Variants in RALGAPA2 observed in about 807,000 individuals in gnomAD.
RALGAPA2 encodes ral GTPase-activating protein subunit alpha-2.
RALGAPA2 carries 139 observed loss-of-function variants against 230.4 expected under a neutral mutation model. That is an observed-to-expected ratio of 0.60 (90% CI 0.53 to 0.69). The LOEUF is 0.69. Ranked by LOEUF, RALGAPA2 falls within the 30% of genes least tolerant of loss-of-function variation. RALGAPA2 has a pLI of 0.00. For synonymous variants in RALGAPA2, 847 were observed against 837.8 expected, an observed-to-expected ratio of 1.01 and a Z score of -0.19; for missense variants, 2,163 against 2,276.0, an observed-to-expected ratio of 0.95 and a Z score of 1.01.
intron 15 of RALGAPA2, among the ~76,000 whole-genome samples, chr20:20,604,006 A>C (rs559158547): frequency 6.6e-6 from 1 of 152,154 alleles, no homozygotes; most frequent in Non-Finnish European, 1.5e-5. Flanking sequence ...TTTTTACCCT[A>C]TGTGCTCTGT....
chr20:20,661,743 C>T (rs1195303799), intron 3 of RALGAPA2, among the ~76,000 whole-genome samples: 1 of 152,062 alleles, frequency 6.6e-6, no homozygotes, highest in Non-Finnish European at 1.5e-5. Context: ...GTCCATCAGA[C>T]CCAGCTTTCA....
intron 37 of RALGAPA2, among the ~76,000 whole-genome samples, chr20:20,429,927 G>C (rs574606246): frequency 3.3e-5 from 5 of 152,318 alleles, no homozygotes; most frequent in African/African-American, 1.2e-4. Flanking sequence ...AAGCACCTGT[G>C]CAATGACTCT....
intron 36 of RALGAPA2, among the ~76,000 whole-genome samples, chr20:20,476,007 G>T (rs1029527860): frequency 2.6e-5 from 4 of 152,110 alleles, no homozygotes; most frequent in African/African-American, 9.7e-5. Context: ...AAAACAGAAT[G>T]AATTTGATAA....
intron 1 of RALGAPA2, among the ~76,000 whole-genome samples, chr20:20,687,785 C>T (rs2068759452): frequency 6.6e-6 from 1 of 152,086 alleles, no homozygotes; most frequent in Non-Finnish European, 1.5e-5. Context: ...GTCATAAGAG[C>T]CAGCAAACCT....
rs1401846512 is a variant in RALGAPA2, at chr20:20,396,613, AC to A, written c.*35+81del. On this transcript the variant is annotated intron_variant, in intron 39 of 39. Coordinates refer to ENST00000202677, the MANE Select transcript of RALGAPA2 (RefSeq NM_020343.4). ...GAGGAGCACTGATGCAGGGTCCGCTACCGAGGGCAGCCGATTAGAAAAGTCC... is the reference window on the plus strand; with the variant it reads ...GAGGAGCACTGATGCAGGGTCCGCTACGAGGGCAGCCGATTAGAAAAGTCC... 40 of 1,321,082 alleles carry A rather than the reference AC, an allele frequency of 3.0e-5. No homozygotes were observed. The Middle Eastern group carries it at 9.2e-4, about 30-fold the overall frequency. 81.8% of individuals were successfully genotyped at this position (1,321,082 alleles called of 1,614,324 possible).
In RALGAPA2 at chr20:20,712,436, C is replaced by A. The variant is rs748676903; in HGVS notation, c.45G>T (p.Gln15His). The change falls in exon 1 of 40, where the codon CAG (glutamine) becomes CAT (histidine). Residue 15 changes from glutamine to histidine, a missense_variant. By Grantham distance (24) the Gln-to-His change is conservative (BLOSUM62 0). Transcript: ENST00000202677. The surrounding 1 kb of genome is among the most constrained non-coding windows in gnomAD (Gnocchi z 5.5). ...RSHGDVKKST[Q>H]KVLDPKKDVL... ...CGTCCTTCTTCGGGTCCAGCACCTT[C>A]TGGGTGGACTTCTTCACATCCCCGT... 7.1e-6 allele frequency: 11 copies of A among 1,555,416 alleles called. No homozygotes were observed. The highest frequency in any genetic ancestry group is 1.4e-5 in the African/African-American group (1 of 73,126).
chr20:20,530,515 G>A (rs958321328), intron 27 of RALGAPA2, among the ~76,000 whole-genome samples: 3 of 152,172 alleles, frequency 2.0e-5, no homozygotes, highest in Non-Finnish European at 4.4e-5. Context: ...TCAAGCAGGG[G>A]CCAGACGCCA....
intron 37 of RALGAPA2, among the ~76,000 whole-genome samples, chr20:20,420,893 T>G (rs1267697296): frequency 1.3e-5 from 2 of 152,192 alleles, no homozygotes; most frequent in African/African-American, 4.8e-5. Flanking sequence ...ACTAGGAAAT[T>G]AATTAGCTGA....
chr20:20,700,506 T>C (rs1359905519), intron 1 of RALGAPA2, among the ~76,000 whole-genome samples: 2 of 152,178 alleles, frequency 1.3e-5, no homozygotes, highest in Admixed American at 6.5e-5. Context: ...AGGTCTTTGA[T>C]TGGGGGATGG....
intron 37 of RALGAPA2, among the ~76,000 whole-genome samples, chr20:20,438,795 C>T (rs911175092): frequency 1.3e-5 from 2 of 152,166 alleles, no homozygotes; most frequent in African/African-American, 4.8e-5. Flanking sequence ...ATGTATTTCC[C>T]CCCAAACAAC....
intron 37 of RALGAPA2, among the ~76,000 whole-genome samples, chr20:20,470,485 C>T (rs1412683723): frequency 1.3e-5 from 2 of 152,124 alleles, no homozygotes; most frequent in African/African-American, 4.8e-5. Context: ...CCACAGCTGC[C>T]TGATGTCAGG....
At chr20:20,547,423 T>C (rs959398235) in intron 23 of RALGAPA2, among the ~76,000 whole-genome samples, 2 of 152,226 alleles carry the variant, frequency 1.3e-5, no homozygotes, top group Non-Finnish European at 2.9e-5. Flanking sequence ...CAGTAGCCTT[T>C]TGCACAGAGT....
At chr20:20,545,028 T>C (rs2063744107) in intron 24 of RALGAPA2, among the ~76,000 whole-genome samples, 2 of 152,212 alleles carry the variant, frequency 1.3e-5, no homozygotes, top group Non-Finnish European at 2.9e-5. Flanking sequence ...TTTAAAAAAA[T>C]GAGTATTTCA....
At position 20,536,677 on chromosome 20, in the gene RALGAPA2, A is replaced by T; in HGVS notation, c.3393T>A (p.Ile1131=). ...LQSVPEVNEA[I]TGTEDVKHYL... is the part of the protein sequence containing the mutation. ...GTACCTTGACATCTTCAGTTCCTGT[A>T]ATGGCCTCATTTACTTCTGGCACTG... The change falls in exon 25 of 40, where the codon ATT becomes ATA. Residue 1131 remains isoleucine (I), a synonymous_variant. Transcript: ENST00000202677. 6.2e-7 allele frequency: 1 copy of T among 1,612,898 alleles called. No individual in the cohort carries two copies. The highest frequency in any genetic ancestry group is 8.5e-7 in the Non-Finnish European group (1 of 1,179,042).
At chr20:20,418,202 C>T (rs1355316980) in intron 37 of RALGAPA2, among the ~76,000 whole-genome samples, 2 of 152,200 alleles carry the variant, frequency 1.3e-5, no homozygotes, top group Non-Finnish European at 2.9e-5. Flanking sequence ...AAATAACCTA[C>T]TAGAAAGATG....
intron 12 of RALGAPA2, among the ~76,000 whole-genome samples, chr20:20,618,193 C>T (rs1213679890): frequency 6.6e-6 from 1 of 152,160 alleles, no homozygotes; most frequent in Non-Finnish European, 1.5e-5. Context: ...ATAAAAAGCA[C>T]TCTTTTGAAC....
At chr20:20,460,142 T>C (rs2061267553) in intron 37 of RALGAPA2, among the ~76,000 whole-genome samples, 1 of 152,182 alleles carries the variant, frequency 6.6e-6, no homozygotes, top group South Asian at 2.1e-4. Flanking sequence ...CCTGAGATGT[T>C]CTTCTAGTTG....
chr20:20,620,439 C>G (rs1421375374), intron 11 of RALGAPA2, 24 bp downstream of exon 11: 1 of 1,610,066 alleles, frequency 6.2e-7, no homozygotes, highest in Admixed American at 1.7e-5. Flanking sequence ...ACCCTCAACT[C>G]AAAAGACAAG....
At chr20:20,478,592 C>T (rs919112631) in intron 36 of RALGAPA2, among the ~76,000 whole-genome samples, 10 of 151,822 alleles carry the variant, frequency 6.6e-5, no homozygotes, top group Admixed American at 3.9e-4. Context: ...AACCAAATAC[C>T]GCATGTTCTC....
Sources: allele counts gnomAD v4.1 joint callset (sites outside exome capture counted in the v4.1 genomes callset), GRCh38; gene constraint gnomAD v4.1.1; non-coding constraint Gnocchi (gnomAD v3.1); transcripts MANE v1.5; gene names NCBI Gene and HGNC (gene_info 2026-07-23, HGNC 2026-07-21).